MTOR: variants seen among roughly 807,000 people sequenced by gnomAD.
MTOR encodes serine/threonine-protein kinase mTOR.
Under a neutral mutation model 319.8 loss-of-function variants are expected in MTOR, and 70 were observed. The ratio of observed to expected loss-of-function variants is 0.22; its 90% CI spans 0.18 to 0.27. MTOR has a LOEUF of 0.27. MTOR is among the 10% of genes least tolerant of loss of function. The pLI is 1.00. For missense variants in MTOR, 1,890 were observed against 3,274.4 expected (o/e 0.58, Z 10.32); for synonymous variants, 1,183 against 1,211.4 (o/e 0.98, Z 0.49).
chr1:11,118,703 C>T (rs1642330574), intron 49 of MTOR, among the ~76,000 whole-genome samples: 1 of 149,926 alleles, frequency 6.7e-6, no homozygotes, highest in South Asian at 2.1e-4. Context: ...TCTCAGCTAA[C>T]TGCAACCCTT....
At position 11,146,640 on chromosome 1, in the gene MTOR, CCTCA is replaced by C. The variant is rs777404126; in HGVS notation, c.4686+32_4686+35del. On this transcript the variant is annotated intron_variant, in intron 32 of 57. Coordinates refer to ENST00000361445, the MANE Select transcript of MTOR (RefSeq NM_004958.4). The stretch of plus-strand genomic sequence containing the variant: ...GGGCTTAGAAGCACTACAATCTTTT[CCTCA>C]CTGAGAGATCTGGGTGCATGTAGGT... 15 of 1,541,140 alleles carry C rather than the reference CCTCA, an allele frequency of 9.7e-6. No individual in the cohort carries two copies. In the South Asian group the frequency reaches 1.7e-4, roughly 17 times the overall value.
At chr1:11,154,068 C>CAAA (rs70977548) in intron 30 of MTOR, among the ~76,000 whole-genome samples, 134 of 13,076 alleles carry the variant, frequency 0.01, 42 homozygotes, top group Non-Finnish European at 0.012. Context: ...GACTCTGTCT[C>CAAA]AAAAAAAAAA....
chr1:11,129,088 G>A lies in MTOR; in HGVS notation c.5715-137C>T, dbSNP rs1642989757. ...CTCTCAAATGTGTTTGGCCTCCCAT[G>A]GGAGCAGGTGTCTGTGATGGGTGGC... On this transcript the variant is annotated intron_variant, in intron 40 of 57. Coordinates refer to ENST00000361445, the MANE Select transcript of MTOR (RefSeq NM_004958.4). The surrounding 1 kb of genome is among the most constrained non-coding windows in gnomAD (Gnocchi z 4.7). 1.5e-6 allele frequency: 1 copy of A among 676,400 alleles called. No individual in the cohort carries two copies. The highest frequency in any genetic ancestry group is 1.8e-5 in the African/African-American group (1 of 56,136). The allele number at this position is 676,400 out of a possible 1,614,324, so 41.9% of individuals were successfully genotyped here.
intron 23 of MTOR, 62 bp from the exon 24 acceptor site, chr1:11,210,968 GA>G (rs577234206): frequency 4.0e-4 from 403 of 1,002,894 alleles, no homozygotes; most frequent in Admixed American, 6.4e-4. Context: ...AAAAGTAGAG[GA>G]AAAAATATTA....
intron 17 of MTOR, 52 bp from the exon 18 acceptor site, chr1:11,231,106 C>T (rs1647000918): frequency 1.2e-6 from 2 of 1,609,468 alleles, no homozygotes; most frequent in East Asian, 2.2e-5. Context: ...AACATGATTA[C>T]AACAAGTATC....
Position 11,168,772 on chromosome 1 carries a change from G to T in MTOR, c.4254-1255C>A, listed in dbSNP as rs192364857. 1.2e-3 allele frequency among the ~76,000 whole-genome samples: 179 copies of T among 152,320 alleles called. 1 individual carries two copies. The Middle Eastern group carries it at 0.014, about 12-fold the overall frequency. ...GCCTGCAGTTGGTTCATCAGAGGCTGCTAGGAGGCCTTGAAAACAGAGTAG... is the reference window on the plus strand; with the variant it reads ...GCCTGCAGTTGGTTCATCAGAGGCTTCTAGGAGGCCTTGAAAACAGAGTAG... On this transcript the variant is annotated intron_variant, in intron 28 of 57. Coordinates refer to ENST00000361445, the MANE Select transcript of MTOR (RefSeq NM_004958.4).
chr1:11,108,712 C>CAAA lies in MTOR; in HGVS notation c.7529-429_7529-427dup, dbSNP rs758531091. On this transcript the variant is annotated intron_variant, in intron 56 of 57. Transcript: ENST00000361445. ...TGGGTGACAGAGCAAGACCCTGTCT[C>CAAA]AAAAAAAAAAAAAAAAAAGAAAAGA... Among the ~76,000 whole-genome samples, 110 of 49,588 alleles carry CAAA rather than the reference C, an allele frequency of 2.2e-3. 1 individual carries two copies. The highest frequency in any genetic ancestry group is 3.6e-3 in the South Asian group (5 of 1,386). The allele number at this position is 49,588 out of a possible 152,430, so 32.5% of individuals were successfully genotyped here.
chr1:11,229,037 G>T, intron 18 of MTOR, 119 bp from the exon 19 acceptor site: 7 of 1,295,942 alleles, frequency 5.4e-6, no homozygotes, highest in Non-Finnish European at 7.6e-6. Context: ...TTTCTTCCTA[G>T]TATGTTCTAA....
At chr1:11,134,600 C>T (rs1335058140) in intron 36 of MTOR, 134 bp from the exon 37 acceptor site, 2 of 675,646 alleles carry the variant, frequency 3.0e-6, no homozygotes, top group Non-Finnish European at 5.2e-6. Flanking sequence ...AATGATGACC[C>T]CATAGGACAG....
intron 5 of MTOR, among the ~76,000 whole-genome samples, chr1:11,255,052 C>G (rs959265054): frequency 2.0e-5 from 3 of 152,040 alleles, no homozygotes; most frequent in Non-Finnish European, 2.9e-5. Flanking sequence ...GCGTGAGCAT[C>G]CAGCTGAGAT....
At chr1:11,120,831 A>T (rs904969171) in intron 49 of MTOR, among the ~76,000 whole-genome samples, 3 of 152,140 alleles carry the variant, frequency 2.0e-5, no homozygotes, top group Admixed American at 6.6e-5. Context: ...ATATATTTTT[A>T]AAAAATATTC....
intron 9 of MTOR, 99 bp downstream of exon 9, chr1:11,243,015 G>C (rs1047005808): frequency 3.1e-5 from 41 of 1,311,946 alleles, no homozygotes; most frequent in Non-Finnish European, 4.3e-5. Flanking sequence ...GGAGTTTAAT[G>C]ATGCAAAAAA....
Position 11,195,097 on chromosome 1 carries a change from AAG to A in MTOR, c.4253+4159_4253+4160del, listed in dbSNP as rs1645734163. 7.4e-6 allele frequency: 11 copies of A among 1,494,812 alleles called. No homozygotes were observed. The South Asian group carries it at 1.1e-4, about 15-fold the overall frequency. 92.6% of individuals were successfully genotyped at this position (1,494,812 alleles called of 1,614,324 possible). On this transcript the variant is annotated intron_variant, in intron 28 of 57. Transcript: ENST00000361445. The stretch of plus-strand genomic sequence containing the variant: ...CTGGATGAGGGCAGATGAGGACAGG[AAG>A]AGAGTGTTAGAAAGGGTAGGACTGA...
intron 13 of MTOR, among the ~76,000 whole-genome samples, chr1:11,237,188 T>G (rs961768960): frequency 6.6e-6 from 1 of 151,970 alleles, no homozygotes; most frequent in Non-Finnish European, 1.5e-5. Flanking sequence ...GGAAATAACT[T>G]CACCAGGCAG....
At position 11,133,496 on chromosome 1, in the gene MTOR, G is replaced by A. The variant is rs1643259878; in HGVS notation, c.5247-299C>T. ...ACCTACCCCAAACCCAATTTTTTGTGGGTGACAGTTGAGAGTTACTTCTTT... is the reference window on the plus strand; with the variant it reads ...ACCTACCCCAAACCCAATTTTTTGTAGGTGACAGTTGAGAGTTACTTCTTT... On this transcript the variant is annotated intron_variant, in intron 37 of 57. Coordinates refer to ENST00000361445, the MANE Select transcript of MTOR (RefSeq NM_004958.4). The surrounding 1 kb of genome is among the most constrained non-coding windows in gnomAD (Gnocchi z 4.0). 3.5e-4 allele frequency among the ~76,000 whole-genome samples: 1 copy of A among 2,844 alleles called. No individual in the cohort carries two copies. The highest frequency in any genetic ancestry group is 6.2e-3 in the Non-Finnish European group (1 of 162). 1.9% of individuals were successfully genotyped at this position (2,844 alleles called of 152,430 possible). A position where few individuals can be genotyped will look rare whatever the true frequency, so the allele number is the denominator to read the frequency against.
In MTOR at chr1:11,240,483, G is replaced by C; in HGVS notation, c.1606C>G (p.Gln536Glu). Residue 536 changes from glutamine (Q) to glutamate (E), a missense_variant, in exon 11 of 58, where the codon CAA becomes GAA. Gln to Glu is a conservative substitution (Grantham distance 29, BLOSUM62 2). This residue lies in a region of MTOR where 418 missense variants were observed against 543.1 expected (regional missense o/e 0.77). Coordinates refer to ENST00000361445, the MANE Select transcript of MTOR (RefSeq NM_004958.4). ...GACAGCATTTTCAGTAGCCCATCTT[G>C]AATGTCCTTCTTTAGCTGTGGAATC... ...RQIPQLKKDI[Q>E]DGLLKMLSLV... 6.2e-7 allele frequency: 1 copy of C among 1,614,226 alleles called. No individual in the cohort carries two copies. The highest frequency in any genetic ancestry group is 8.5e-7 in the Non-Finnish European group (1 of 1,180,042).
intron 57 of MTOR, 39 bp downstream of exon 57, chr1:11,108,142 T>A: frequency 6.5e-7 from 1 of 1,544,670 alleles, no homozygotes; most frequent in Non-Finnish European, 8.9e-7. Flanking sequence ...GGGACCTGAT[T>A]GCTTATTTTA....
chr1:11,122,521 T>G (rs1435191602), intron 47 of MTOR, among the ~76,000 whole-genome samples: 4 of 147,700 alleles, frequency 2.7e-5, no homozygotes, highest in Non-Finnish European at 6.0e-5. Context: ...TTTTTTTTTT[T>G]TTTTTAGATG....
At chr1:11,252,325 C>T (rs1174914668) in intron 6 of MTOR, among the ~76,000 whole-genome samples, 4 of 151,478 alleles carry the variant, frequency 2.6e-5, no homozygotes, top group South Asian at 2.1e-4. Context: ...TGTAGAGACA[C>T]GGTCTCACCG....
Sources: gnomAD v4.1 joint callset for allele counts (sites outside exome capture counted in the v4.1 genomes callset) on GRCh38, gnomAD v4.1.1 for gene constraint, gnomAD v4.1.1 regional missense constraint, Gnocchi (gnomAD v3.1) non-coding constraint, MANE v1.5 for transcripts, NCBI Gene and HGNC (gene_info 2026-07-23, HGNC 2026-07-21) for gene names.